Variants in EXOC2 observed in about 807,000 individuals in gnomAD.
EXOC2 encodes the protein exocyst complex component 2.
Under a neutral mutation model 131.8 loss-of-function variants are expected in EXOC2, and 70 were observed. That is an observed-to-expected ratio of 0.53 (90% CI 0.44 to 0.65). The LOEUF is 0.65. Among genes scored for constraint, EXOC2 ranks in the 30% least tolerant of loss-of-function variants. The pLI, the probability that EXOC2 is intolerant of heterozygous loss-of-function variation, is 0.00. For missense variants in EXOC2, 923 were observed against 1,108.6 expected (o/e 0.83, Z 2.38); for synonymous variants, 411 against 398.4 (o/e 1.03, Z -0.38).
At chr6:559,704 A>C (rs1368256448) in intron 17 of EXOC2, among the ~76,000 whole-genome samples, 1 of 152,230 alleles carries the variant, frequency 6.6e-6, no homozygotes, top group African/African-American at 2.4e-5. Flanking sequence ...GAGCATTTTC[A>C]CAGAGGCTGA....
At chr6:627,924 G>A (rs750354504) in intron 4 of EXOC2, among the ~76,000 whole-genome samples, 67 of 152,208 alleles carry the variant, frequency 4.4e-4, no homozygotes, top group Admixed American at 2.4e-3. Context: ...GTACTTATTG[G>A]ATAAATGTAC....
chr6:606,896 C>A (rs1286846191), intron 7 of EXOC2, among the ~76,000 whole-genome samples: 1 of 152,178 alleles, frequency 6.6e-6, no homozygotes, highest in African/African-American at 2.4e-5. Context: ...CTTTATCGAC[C>A]AATCCCTTCC....
Position 582,755 on chromosome 6 carries a change from G to GTA in EXOC2, c.1193-5875_1193-5874dup, listed in dbSNP as rs1270573211. On this transcript the variant is annotated intron_variant, in intron 11 of 27. Transcript: ENST00000230449. ...TACATGTATACATATACATATATATGTATATATATATAACATTTTTAAAGT... is the reference window on the plus strand; with the variant it reads ...TACATGTATACATATACATATATATGTATATATATATATAACATTTTTAAAGT... Among the ~76,000 whole-genome samples the GTA allele has an allele frequency of 3.3e-4, 50 of 151,498 alleles. 1 individual carries two copies. In the South Asian group the frequency reaches 6.5e-3, roughly 20 times the overall value.
intron 1 of EXOC2, among the ~76,000 whole-genome samples, chr6:661,021 C>G (rs1763403574): frequency 6.6e-6 from 1 of 152,140 alleles, no homozygotes. Flanking sequence ...TGGAAAGCCT[C>G]AGCAATGGAA....
intron 22 of EXOC2, among the ~76,000 whole-genome samples, chr6:534,273 C>A (rs1167726765): frequency 2.0e-5 from 3 of 152,082 alleles, no homozygotes; most frequent in Admixed American, 6.5e-5. Context: ...ATTAAACAAG[C>A]AGTAGGAGAA....
At position 486,455 on chromosome 6, in the gene EXOC2, C is replaced by T; in HGVS notation, c.*216G>A. The T allele has an allele frequency of 2.0e-6, 1 of 490,704 alleles. No homozygotes were observed. The highest frequency in any genetic ancestry group is 3.6e-6 in the Non-Finnish European group (1 of 276,530). 30.4% of individuals were successfully genotyped at this position (490,704 alleles called of 1,614,324 possible). ...AATGTATTTTAAAGTCATACAGGAT[C>T]TGATCTAGTAAGAATGGCAAAACAA... is the stretch of plus-strand genomic sequence containing the variant. On this transcript the variant is annotated 3_prime_UTR_variant, in exon 28 of 28. Coordinates refer to ENST00000230449, the MANE Select transcript of EXOC2 (RefSeq NM_018303.6).
chr6:561,607 G>C (rs1214259287), intron 17 of EXOC2, among the ~76,000 whole-genome samples: 1 of 151,064 alleles, frequency 6.6e-6, no homozygotes, highest in Non-Finnish European at 1.5e-5. Context: ...TTCTTTTTTT[G>C]ACAGAGTCTC....
At chr6:646,302 G>A (rs1380463542) in intron 1 of EXOC2, among the ~76,000 whole-genome samples, 3 of 119,238 alleles carry the variant, frequency 2.5e-5, no homozygotes, top group African/African-American at 8.9e-5. Flanking sequence ...ACTTTCAAAT[G>A]GTTCACAAAA....
chr6:682,989 T>C (rs910177023), intron 1 of EXOC2, among the ~76,000 whole-genome samples: 1 of 152,186 alleles, frequency 6.6e-6, no homozygotes, highest in African/African-American at 2.4e-5. Context: ...CCAGATCAGT[T>C]GAGGCAAAGG....
At chr6:625,765 T>G (rs1326312062) in intron 4 of EXOC2, among the ~76,000 whole-genome samples, 10 of 152,158 alleles carry the variant, frequency 6.6e-5, no homozygotes, top group Admixed American at 6.5e-4. Flanking sequence ...AAAATCAGGT[T>G]TGCATCGCCC....
intron 25 of EXOC2, among the ~76,000 whole-genome samples, chr6:492,528 TAAATA>T (rs1175231194): frequency 1.3e-5 from 2 of 152,170 alleles, no homozygotes; most frequent in African/African-American, 2.4e-5. Context: ...GATGAATGGA[TAAATA>T]AAATGTGGCA....
At chr6:492,652 G>A (rs1041157442) in intron 25 of EXOC2, among the ~76,000 whole-genome samples, 14 of 152,264 alleles carry the variant, frequency 9.2e-5, no homozygotes, top group African/African-American at 1.4e-4. Context: ...GTCACAAAGG[G>A]TCATATTTTC....
chr6:521,982 T>C (rs1277444261), intron 23 of EXOC2, among the ~76,000 whole-genome samples: 1 of 152,156 alleles, frequency 6.6e-6, no homozygotes, highest in Non-Finnish European at 1.5e-5. Flanking sequence ...AACCCAAGGG[T>C]AAATTTCGTA....
At chr6:620,483 C>T (rs188145592) in intron 4 of EXOC2, among the ~76,000 whole-genome samples, 58 of 152,284 alleles carry the variant, frequency 3.8e-4, no homozygotes, top group Middle Eastern at 3.4e-3. Context: ...GTGTCCCCTA[C>T]CCCAAAACAC....
intron 3 of EXOC2, among the ~76,000 whole-genome samples, chr6:632,342 C>T (rs972649613): frequency 6.6e-6 from 1 of 152,200 alleles, no homozygotes; most frequent in East Asian, 1.9e-4. Flanking sequence ...CATGACTTCT[C>T]AGACCAAGTT....
At chr6:680,647 CAT>C (rs1764361583) in intron 1 of EXOC2, among the ~76,000 whole-genome samples, 2 of 152,186 alleles carry the variant, frequency 1.3e-5, no homozygotes, top group Admixed American at 1.3e-4. Context: ...ACGCTGACCA[CAT>C]GAGGCTTCCT....
chr6:507,341 ACAC>A (rs751196478), intron 23 of EXOC2, among the ~76,000 whole-genome samples: 7,073 of 56,014 alleles, frequency 0.13, 802 homozygotes, highest in East Asian at 0.55. Context: ...CCCCCCACAC[ACAC>A]CACAGCAGTG....
intron 12 of EXOC2, among the ~76,000 whole-genome samples, chr6:574,736 C>A (rs1410682238): frequency 1.3e-5 from 2 of 152,266 alleles, no homozygotes; most frequent in South Asian, 4.1e-4. Flanking sequence ...TCAAAACTCA[C>A]TCTGAATGCT....
chr6:647,895 A>G (rs1389317223), intron 1 of EXOC2, among the ~76,000 whole-genome samples: 1 of 151,954 alleles, frequency 6.6e-6, no homozygotes, highest in African/African-American at 2.4e-5. Context: ...CCATGAATCA[A>G]AAAGTCTGAT....
Sources: allele counts gnomAD v4.1 joint callset (sites outside exome capture counted in the v4.1 genomes callset), GRCh38; gene constraint gnomAD v4.1.1; transcripts MANE v1.5; gene names NCBI Gene and HGNC (gene_info 2026-07-23, HGNC 2026-07-21).